The following SOX5 variants were observed in gnomAD, a reference collection of about 807,000 sequenced individuals.
SOX5 encodes the protein SRY-box transcription factor 5.
In SOX5, 9 loss-of-function variants were observed where a neutral mutation model predicts 92.0. The ratio of observed to expected loss-of-function variants is 0.10; its 90% CI spans 0.06 to 0.17. SOX5 has a LOEUF of 0.17. SOX5 is among the 10% of genes least tolerant of loss of function. The probability of loss-of-function intolerance (pLI) is 1.00; values close to 1 mark genes in which losing one functional copy is unlikely to be tolerated. For synonymous variants in SOX5, 344 were observed against 336.3 expected, an observed-to-expected ratio of 1.02 and a Z score of -0.25; for missense variants, 642 against 944.5, an observed-to-expected ratio of 0.68 and a Z score of 4.20.
At chr12:23,601,745 T>C (rs1267973475) in intron 9 of SOX5, among the ~76,000 whole-genome samples, 1 of 152,138 alleles carries the variant, frequency 6.6e-6, no homozygotes, top group Non-Finnish European at 1.5e-5. Context: ...TCCTCTTTAT[T>C]TATTATAGGT....
intron 4 of SOX5, among the ~76,000 whole-genome samples, chr12:23,746,782 C>A (rs1356818651): frequency 3.9e-5 from 6 of 152,094 alleles, no homozygotes; most frequent in Non-Finnish European, 7.4e-5. Context: ...TGTGTCCCCA[C>A]CCAAATCTCA....
intron 4 of SOX5, among the ~76,000 whole-genome samples, chr12:23,972,106 G>A (rs563411812): frequency 1.3e-5 from 2 of 152,014 alleles, no homozygotes; most frequent in East Asian, 3.9e-4. Flanking sequence ...TTTGGCCTAA[G>A]GATGGGGGAG....
At chr12:24,293,974 A>G (rs777473781) in intron 2 of SOX5, among the ~76,000 whole-genome samples, 8 of 152,366 alleles carry the variant, frequency 5.3e-5, no homozygotes, top group Non-Finnish European at 8.8e-5. Context: ...AAACAGCTCC[A>G]TTAAATAGTA....
intron 1 of SOX5, among the ~76,000 whole-genome samples, chr12:24,452,747 C>T (rs1596824506): frequency 1.3e-5 from 2 of 152,194 alleles, no homozygotes; most frequent in Non-Finnish European, 1.5e-5. Flanking sequence ...GGAATTTATG[C>T]CCTCCCAATT....
At chr12:24,321,620 G>A (rs1431150798) in intron 2 of SOX5, among the ~76,000 whole-genome samples, 1 of 152,004 alleles carries the variant, frequency 6.6e-6, no homozygotes, top group Non-Finnish European at 1.5e-5. Flanking sequence ...TTATAGTGTC[G>A]ACTCAACGTA....
At chr12:23,728,186 T>A (rs1352102282) in intron 6 of SOX5, among the ~76,000 whole-genome samples, 2 of 152,194 alleles carry the variant, frequency 1.3e-5, no homozygotes, top group African/African-American at 4.8e-5. Flanking sequence ...TTAAAGCTAC[T>A]TCTTTATATC....
rs113996700 is a variant in SOX5 at position 23,711,678 on chromosome 12, C to T, written c.810+23006G>A. 7.8e-3 allele frequency among the ~76,000 whole-genome samples: 1,183 copies of T among 152,022 alleles called. 19 individuals carry two copies. The highest frequency in any genetic ancestry group is 0.027 in the African/African-American group (1,136 of 41,482). On this transcript the variant is annotated intron_variant, in intron 6 of 14. Transcript: ENST00000451604. ...TACGTAAGCAAAACTAAACAGAAAACGTTAACAGAAAGAATCTGAAGTAAT... is the reference window on the plus strand; with the variant it reads ...TACGTAAGCAAAACTAAACAGAAAATGTTAACAGAAAGAATCTGAAGTAAT...
intron 4 of SOX5, among the ~76,000 whole-genome samples, chr12:24,004,474 C>T (rs1349090985): frequency 6.6e-6 from 1 of 151,920 alleles, no homozygotes; most frequent in African/African-American, 2.4e-5. Context: ...GACATTTCAT[C>T]AAAGAAGATG....
intron 1 of SOX5, among the ~76,000 whole-genome samples, chr12:24,442,757 AG>A (rs1446187643): frequency 1.3e-5 from 2 of 152,116 alleles, no homozygotes; most frequent in African/African-American, 4.8e-5. Context: ...AGCAAGAGAT[AG>A]GGCAGTTCAT....
At chr12:23,976,276 A>G (rs928910543) in intron 4 of SOX5, among the ~76,000 whole-genome samples, 1 of 152,022 alleles carries the variant, frequency 6.6e-6, no homozygotes, top group African/African-American at 2.4e-5. Context: ...CAGTTGTTTA[A>G]TTCTTGGAGA....
chr12:24,359,088 T>C (rs1415418644), intron 2 of SOX5, among the ~76,000 whole-genome samples: 2 of 152,232 alleles, frequency 1.3e-5, no homozygotes, highest in African/African-American at 4.8e-5. Flanking sequence ...TATCAGTACA[T>C]AATGCAGTGA....
chr12:24,006,718 T>C (rs552387293), intron 4 of SOX5, among the ~76,000 whole-genome samples: 6 of 152,198 alleles, frequency 3.9e-5, no homozygotes, highest in South Asian at 4.2e-4. Context: ...AAGGTAATCT[T>C]TTAGTCCTCA....
intron 2 of SOX5, among the ~76,000 whole-genome samples, chr12:24,336,415 A>G (rs769728405): frequency 8.5e-5 from 13 of 152,120 alleles, no homozygotes; most frequent in Non-Finnish European, 1.8e-4. Flanking sequence ...TTTTACGTCA[A>G]AGTTCAGCAT....
chr12:24,318,841 G>A (rs568570300), intron 2 of SOX5, among the ~76,000 whole-genome samples: 1 of 152,170 alleles, frequency 6.6e-6, no homozygotes, highest in Non-Finnish European at 1.5e-5. Flanking sequence ...CCTTCAGTGA[G>A]AGTAGTATCA....
At chr12:23,548,258 C>T (rs1190512019) in intron 11 of SOX5, among the ~76,000 whole-genome samples, 1 of 151,984 alleles carries the variant, frequency 6.6e-6, no homozygotes, top group Non-Finnish European at 1.5e-5. Context: ...TAAGTGACTT[C>T]CAAGGTTCTG....
intron 11 of SOX5, among the ~76,000 whole-genome samples, chr12:23,558,549 C>A (rs1945632852): frequency 6.6e-6 from 1 of 152,172 alleles, no homozygotes; most frequent in Non-Finnish European, 1.5e-5. Context: ...TTGATGAACT[C>A]ATGCCACCAA....
chr12:24,064,278 C>T (rs1375579595), intron 4 of SOX5, among the ~76,000 whole-genome samples: 3 of 152,154 alleles, frequency 2.0e-5, no homozygotes, highest in Non-Finnish European at 4.4e-5. Context: ...ATTTAAAATG[C>T]AGGCTCTCAA....
chr12:23,568,986 C>G (rs1211456950), intron 10 of SOX5, among the ~76,000 whole-genome samples: 2 of 151,352 alleles, frequency 1.3e-5, no homozygotes, highest in Non-Finnish European at 2.9e-5. Flanking sequence ...CTTAGGAGTT[C>G]AAAATCAGCC....
At chr12:24,099,837 T>C (rs908927995) in intron 4 of SOX5, among the ~76,000 whole-genome samples, 2 of 152,172 alleles carry the variant, frequency 1.3e-5, no homozygotes, top group African/African-American at 4.8e-5. Context: ...ATGGTGCTGA[T>C]GGGATACTCC....
Sources: allele counts gnomAD v4.1 joint callset (sites outside exome capture counted in the v4.1 genomes callset), GRCh38; gene constraint gnomAD v4.1.1; transcripts MANE v1.5; gene names NCBI Gene and HGNC (gene_info 2026-07-23, HGNC 2026-07-21).